The following S100Z variants were observed in gnomAD, a reference collection of about 807,000 sequenced individuals.
The protein encoded by S100Z is protein S100-Z.
S100Z carries 11 observed loss-of-function variants against 8.5 expected under a neutral mutation model. The observed-to-expected ratio is 1.30, with a 90% confidence interval of 0.82 to 2.15. The LOEUF is 2.15. S100Z is among the 30% of genes most tolerant of loss of function. S100Z has a pLI of 0.00. For synonymous variants in S100Z, 34 were observed against 43.8 expected, an observed-to-expected ratio of 0.78 and a Z score of 0.89; for missense variants, 126 against 117.9, an observed-to-expected ratio of 1.07 and a Z score of -0.32.
intron 4 of S100Z, among the ~76,000 whole-genome samples, chr5:76,919,908 T>TTTTTTTTTTTTCA (rs1491270609): frequency 8.0e-6 from 1 of 124,388 alleles, no homozygotes; most frequent in African/African-American, 3.5e-5. Context: ...CCAGCTTTCA[T>TTTTTTTTTTTTCA]TTTTTTTTTT....
chr5:76,945,912 G>T, the S100Z span, among the ~76,000 whole-genome samples: 24 of 152,260 alleles, frequency 1.6e-4, no homozygotes, highest in South Asian at 2.1e-4. Flanking sequence ...CACCCGACGA[G>T]AAATACCCAC....
In S100Z at chr5:76,877,830, T is replaced by C. The variant is rs1743254417; in HGVS notation, c.298T>C (p.Ter100GlnextTer31). The change falls in exon 4 of 5, where the codon TAA becomes CAA. Residue 100 changes from the stop codon to glutamine (Q), a stop_lost. Transcript: ENST00000317593. ...FVEQLKKKGK[*>Q] is the part of the protein sequence containing the mutation. ...AGAACAATTGAAGAAGAAAGGAAAA[T>C]AAAGGTAAGTAATAAGCTCATCTAA... The C allele has an allele frequency of 6.2e-7, 1 of 1,607,552 alleles. No individual in the cohort carries two copies. Among genetic ancestry groups the C allele is most frequent in the Non-Finnish European group, 8.5e-7 (1 of 1,174,168 alleles).
intron 4 of S100Z, among the ~76,000 whole-genome samples, chr5:76,884,200 A>G (rs919747509): frequency 1.3e-5 from 2 of 152,250 alleles, no homozygotes; most frequent in African/African-American, 4.8e-5. Context: ...TAAGAGGGCC[A>G]TGAACTGGGC....
At chr5:76,912,629 T>C (rs1266873218) in intron 4 of S100Z, among the ~76,000 whole-genome samples, 1 of 152,156 alleles carries the variant, frequency 6.6e-6, no homozygotes, top group African/African-American at 2.4e-5. Flanking sequence ...CATGCTGTAA[T>C]ATGGGAAGAA....
intron 1 of S100Z, among the ~76,000 whole-genome samples, chr5:76,863,606 T>C (rs1412585981): frequency 6.6e-6 from 1 of 152,182 alleles, no homozygotes; most frequent in East Asian, 1.9e-4. Context: ...TGGCGCGATC[T>C]CGGCTCACTG....
At position 76,875,330 on chromosome 5, in the gene S100Z, G is replaced by C. The variant is rs200484439; in HGVS notation, c.-30G>C. On this transcript the variant is annotated 5_prime_UTR_variant, in exon 3 of 5. Coordinates refer to ENST00000317593, the MANE Select transcript of S100Z (RefSeq NM_130772.4). ...GTCTTCTCCCCGGGTTTGGTGGCCTGCTTCTGGAGTGGTCAGTTCTGCTGC... is the reference window on the plus strand; with the variant it reads ...GTCTTCTCCCCGGGTTTGGTGGCCTCCTTCTGGAGTGGTCAGTTCTGCTGC... The C allele has an allele frequency of 1.9e-6, 3 of 1,594,560 alleles. No individual in the cohort carries two copies. The East Asian group carries it at 6.7e-5, about 36-fold the overall frequency.
intron 4 of S100Z, among the ~76,000 whole-genome samples, chr5:76,919,791 A>T (rs1416319621): frequency 1.3e-5 from 2 of 151,478 alleles, no homozygotes; most frequent in Non-Finnish European, 2.9e-5. Context: ...TTTTGTAGAG[A>T]TGAGATCTCA....
chr5:76,887,416 T>C (rs867456862), intron 4 of S100Z, among the ~76,000 whole-genome samples: 63 of 141,916 alleles, frequency 4.4e-4, no homozygotes, highest in South Asian at 2.0e-3. Flanking sequence ...TTTTTTTTTT[T>C]CTGAGATGAG....
At chr5:76,913,620 TC>T (rs1326791706) in intron 4 of S100Z, among the ~76,000 whole-genome samples, 6 of 152,360 alleles carry the variant, frequency 3.9e-5, no homozygotes, top group Non-Finnish European at 8.8e-5. Context: ...ACATGTATTA[TC>T]CTACTACCAC....
chr5:76,936,576 C>A, the S100Z span, among the ~76,000 whole-genome samples: 1 of 148,656 alleles, frequency 6.7e-6, no homozygotes, highest in Non-Finnish European at 1.5e-5. Flanking sequence ...ATTGAATCAG[C>A]ATCCAATTTT....
chr5:76,862,124 A>AGTGTGTGTGTGT lies in S100Z; in HGVS notation c.-175-8037_-175-8036insTGTGTGTGTGTG, dbSNP rs374825870. On this transcript the variant is annotated intron_variant, in intron 1 of 4. Coordinates refer to ENST00000317593, the MANE Select transcript of S100Z (RefSeq NM_130772.4). ...TTTTCTCATGCTGGCAGGGATAAGG[A>AGTGTGTGTGTGT]GTGTGCGTGTGTGTGTGTGTGTGTG... Among the ~76,000 whole-genome samples, 976 of 138,490 alleles carry AGTGTGTGTGTGT rather than the reference A, an allele frequency of 7.0e-3. 2 individuals are homozygous for AGTGTGTGTGTGT. The highest frequency in any genetic ancestry group is 0.018 in the Middle Eastern group (5 of 280). The allele number at this position is 138,490 out of a possible 152,430, so 90.9% of individuals were successfully genotyped here.
chr5:76,922,889 A>G (rs1303983432), downstream of S100Z, among the ~76,000 whole-genome samples: 1 of 152,156 alleles, frequency 6.6e-6, no homozygotes, highest in Non-Finnish European at 1.5e-5. Context: ...TCCCATGCAC[A>G]TATATGCATC....
At chr5:76,888,667 C>T (rs183274543) in intron 4 of S100Z, among the ~76,000 whole-genome samples, 20 of 152,056 alleles carry the variant, frequency 1.3e-4, no homozygotes, top group Admixed American at 6.5e-4. Context: ...TGAGCCACCG[C>T]GCCCAGCCAT....
At chr5:76,942,907 GAAT>G in the S100Z span, among the ~76,000 whole-genome samples, 1 of 152,204 alleles carries the variant, frequency 6.6e-6, no homozygotes, top group Non-Finnish European at 1.5e-5. Flanking sequence ...ATCTATTCCT[GAAT>G]AATGCATCAC....
chr5:76,905,200 TG>T (rs146043827), intron 4 of S100Z, among the ~76,000 whole-genome samples: 2,158 of 152,190 alleles, frequency 0.014, 61 homozygotes, highest in East Asian at 0.11. Flanking sequence ...ACAAAGATTT[TG>T]TTCTATTATT....
intron 1 of S100Z, among the ~76,000 whole-genome samples, chr5:76,859,345 AAAG>A (rs1399437370): frequency 1.3e-5 from 2 of 152,200 alleles, no homozygotes; most frequent in Non-Finnish European, 2.9e-5. Context: ...ACTGCTGAGA[AAAG>A]AAGGAGTTAG....
chr5:76,918,340 G>A (rs1339237114), intron 4 of S100Z, among the ~76,000 whole-genome samples: 3 of 152,120 alleles, frequency 2.0e-5, no homozygotes, highest in African/African-American at 7.2e-5. Flanking sequence ...CTGAGTAGCT[G>A]AGACTACAGG....
intron 4 of S100Z, among the ~76,000 whole-genome samples, chr5:76,897,305 G>A (rs1280477023): frequency 2.0e-5 from 3 of 151,924 alleles, no homozygotes; most frequent in African/African-American, 7.3e-5. Flanking sequence ...AGCCAGGTGT[G>A]GTGGTGGGCG....
chr5:76,872,566 C>A (rs1001185635), intron 2 of S100Z, among the ~76,000 whole-genome samples: 1 of 150,756 alleles, frequency 6.6e-6, no homozygotes, highest in Non-Finnish European at 1.5e-5. Context: ...GTGGCTGAAG[C>A]AGGAGGATCG....
Sources: gnomAD v4.1 joint callset for allele counts (sites outside exome capture counted in the v4.1 genomes callset) on GRCh38, gnomAD v4.1.1 for gene constraint, MANE v1.5 for transcripts, NCBI Gene and HGNC (gene_info 2026-07-23, HGNC 2026-07-21) for gene names.